The following TUT7 variants were observed in gnomAD, a reference collection of about 807,000 sequenced individuals.
TUT7 encodes terminal uridylyl transferase 7.
Under a neutral mutation model 165.9 loss-of-function variants are expected in TUT7, and 33 were observed. The ratio of observed to expected loss-of-function variants is 0.20; its 90% CI spans 0.15 to 0.27. The LOEUF (loss-of-function observed/expected upper bound fraction) is 0.27, where lower values mean the gene tolerates loss of function less well. TUT7 is among the 10% of genes least tolerant of loss of function. The pLI is 1.00. For missense variants in TUT7, 1,338 were observed against 1,762.3 expected (o/e 0.76, Z 4.31); for synonymous variants, 552 against 608.1 (o/e 0.91, Z 1.36).
At position 86,311,624 on chromosome 9, in the gene TUT7, C is replaced by T. The variant is rs890772569; in HGVS notation, c.3275-815G>A. Among the ~76,000 whole-genome samples the T allele has an allele frequency of 1.1e-4, 17 of 151,578 alleles. No homozygotes were observed. Among genetic ancestry groups the T allele is most frequent in the Non-Finnish European group, 2.2e-4 (15 of 67,896 alleles). On this transcript the variant is annotated intron_variant, in intron 17 of 26. Coordinates refer to ENST00000375963, the MANE Select transcript of TUT7 (RefSeq NM_024617.4). This position sits in a 1 kb window ranked among gnomAD's most constrained non-coding sequence, Gnocchi z 4.4. ...CTCTCCCCACGGTCTCCCTCTCCCT[C>T]TCTTTCCACGGTCTCCCTCTGATGC...
At chr9:86,345,190 A>C in intron 4 of TUT7, 36 bp from the exon 5 acceptor site, 2 of 1,579,532 alleles carry the variant, frequency 1.3e-6, no homozygotes, top group South Asian at 2.3e-5. Context: ...AAAATGACTT[A>C]CACATAGTTT....
Position 86,314,974 on chromosome 9 carries a change from A to C in TUT7, c.3274+2245T>G, listed in dbSNP as rs146668601. On this transcript the variant is annotated intron_variant, in intron 17 of 26. Coordinates refer to ENST00000375963, the MANE Select transcript of TUT7 (RefSeq NM_024617.4). The stretch of plus-strand genomic sequence containing the variant: ...GATCATAGCAACCTCCATCTCTTCC[A>C]TCAACCTCCCCTGTGCAACTCTTTC... 4.1e-3 allele frequency among the ~76,000 whole-genome samples: 618 copies of C among 152,272 alleles called. 4 individuals carry two copies. Among genetic ancestry groups the C allele is most frequent in the Middle Eastern group, 0.017 (5 of 294 alleles).
chr9:86,302,766 G>A (rs1162911544), intron 25 of TUT7, among the ~76,000 whole-genome samples: 2 of 151,208 alleles, frequency 1.3e-5, no homozygotes, highest in Non-Finnish European at 2.9e-5. Context: ...ACAGGTGCCC[G>A]CCACCATGCT....
chr9:86,338,008 C>G (rs1316765005), intron 9 of TUT7, among the ~76,000 whole-genome samples: 1 of 151,934 alleles, frequency 6.6e-6, no homozygotes, highest in South Asian at 2.1e-4. Context: ...ATGGAAATAA[C>G]AACTAAAAGG....
rs1249907064 is a variant in TUT7 at position 86,311,526 on chromosome 9, C to A, written c.3275-717G>T. On this transcript the variant is annotated intron_variant, in intron 17 of 26. Coordinates refer to ENST00000375963, the MANE Select transcript of TUT7 (RefSeq NM_024617.4). The surrounding 1 kb of genome is among the most constrained non-coding windows in gnomAD (Gnocchi z 4.4). ...GGTGGAGAAACTGGGAAAGGTCCAACTACAGAACATACACATTTTGCTAAG... is the reference window on the plus strand; with the variant it reads ...GGTGGAGAAACTGGGAAAGGTCCAAATACAGAACATACACATTTTGCTAAG... 6.6e-6 allele frequency among the ~76,000 whole-genome samples: 1 copy of A among 152,078 alleles called. No homozygotes were observed.
At chr9:86,290,912 G>C (rs1414172795) in intron 26 of TUT7, among the ~76,000 whole-genome samples, 1 of 151,916 alleles carries the variant, frequency 6.6e-6, no homozygotes, top group Non-Finnish European at 1.5e-5. Context: ...ACAAACTCTG[G>C]ATGGATTAAA....
chr9:86,327,912 A>G (rs1472802164), intron 11 of TUT7, among the ~76,000 whole-genome samples: 1 of 152,222 alleles, frequency 6.6e-6, no homozygotes, highest in Non-Finnish European at 1.5e-5. Context: ...TTGAAATTCT[A>G]ATGGCTATTC....
At chr9:86,304,153 A>G (rs959786376) in intron 24 of TUT7, among the ~76,000 whole-genome samples, 1 of 152,206 alleles carries the variant, frequency 6.6e-6, no homozygotes, top group African/African-American at 2.4e-5. Context: ...GGTGATATAT[A>G]TATGTTAATT....
intron 9 of TUT7, 85 bp downstream of exon 9, chr9:86,338,738 C>A (rs1831064448): frequency 1.5e-6 from 2 of 1,361,856 alleles, no homozygotes; most frequent in African/African-American, 1.5e-5. Context: ...TGCATTTAAA[C>A]ACTGAAGATT....
intron 25 of TUT7, 132 bp from the exon 26 acceptor site, chr9:86,301,733 C>A (rs903012694): frequency 1.4e-6 from 2 of 1,469,198 alleles, no homozygotes; most frequent in Admixed American, 2.7e-5. Flanking sequence ...AAAGGAAAAG[C>A]AAGAACCTAA....
intron 26 of TUT7, among the ~76,000 whole-genome samples, chr9:86,291,752 G>C (rs1039114522): frequency 6.6e-6 from 1 of 152,100 alleles, no homozygotes; most frequent in African/African-American, 2.4e-5. Context: ...CTGCTGGTGG[G>C]AGTTCTAATT....
At chr9:86,316,502 G>A (rs1274924905) in intron 17 of TUT7, among the ~76,000 whole-genome samples, 2 of 152,172 alleles carry the variant, frequency 1.3e-5, no homozygotes, top group Non-Finnish European at 2.9e-5. Flanking sequence ...CAGAACAGCT[G>A]CAAATTCAAC....
chr9:86,288,835 AC>A (rs1367606344), intron 26 of TUT7, 91 bp from the exon 27 acceptor site: 11 of 966,808 alleles, frequency 1.1e-5, no homozygotes, highest in Non-Finnish European at 1.4e-5. Context: ...TTAAGTAGTC[AC>A]AAAAACTTCA....
At chr9:86,352,641 G>T in intron 2 of TUT7, 39 bp downstream of exon 2, 3 of 1,608,668 alleles carry the variant, frequency 1.9e-6, no homozygotes, top group Non-Finnish European at 2.6e-6. Context: ...AAACATTGCT[G>T]ACTCTGGGGT....
chr9:86,305,341 T>G, intron 22 of TUT7, 102 bp from the exon 23 acceptor site: 1 of 783,276 alleles, frequency 1.3e-6, no homozygotes, highest in Non-Finnish European at 2.0e-6. Flanking sequence ...TATCATCTAC[T>G]TTGCTTATCA....
intron 26 of TUT7, among the ~76,000 whole-genome samples, chr9:86,298,510 C>G (rs1240197860): frequency 1.3e-5 from 2 of 152,206 alleles, no homozygotes; most frequent in Admixed American, 6.5e-5. Context: ...ATTGAAGACT[C>G]TGGTTGCCAC....
intron 24 of TUT7, among the ~76,000 whole-genome samples, chr9:86,304,123 C>T (rs1827226140): frequency 7.0e-6 from 1 of 143,360 alleles, no homozygotes; most frequent in African/African-American, 2.8e-5. Context: ...TCTCAAATGT[C>T]TCCCCACAAA....
intron 6 of TUT7, among the ~76,000 whole-genome samples, chr9:86,342,627 C>T (rs1831415903): frequency 6.6e-6 from 1 of 152,070 alleles, no homozygotes; most frequent in Non-Finnish European, 1.5e-5. Context: ...ATGTTTAAAC[C>T]AGAAATCCAG....
At chr9:86,325,658 T>C (rs962600408) in intron 11 of TUT7, 144 bp from the exon 12 acceptor site, 29 of 703,296 alleles carry the variant, frequency 4.1e-5, no homozygotes, top group Non-Finnish European at 6.4e-5. Context: ...GATAAATCAA[T>C]TCTAACTTCT....
Sources: allele counts gnomAD v4.1 joint callset (sites outside exome capture counted in the v4.1 genomes callset), GRCh38; gene constraint gnomAD v4.1.1; non-coding constraint Gnocchi (gnomAD v3.1); transcripts MANE v1.5; gene names NCBI Gene and HGNC (gene_info 2026-07-23, HGNC 2026-07-21).